TMEM260: variants seen among roughly 807,000 people sequenced by gnomAD.
TMEM260 encodes the protein transmembrane protein 260, also known as protein O-mannosyl-transferase TMEM260.
TMEM260 carries 82 observed loss-of-function variants against 88.9 expected under a neutral mutation model. That is an observed-to-expected ratio of 0.92 (90% CI 0.77 to 1.11). TMEM260 has a LOEUF of 1.11. Ranked by LOEUF, TMEM260 falls within the 50% of genes least tolerant of loss-of-function variation. The probability of loss-of-function intolerance (pLI) is 0.00; values close to 1 mark genes in which losing one functional copy is unlikely to be tolerated. For synonymous variants in TMEM260, 314 were observed against 309.3 expected (o/e 1.02, Z -0.16); for missense variants, 902 against 853.4 (o/e 1.06, Z -0.71).
Position 56,618,585 on chromosome 14 carries a change from C to G in TMEM260, c.1057-9C>G, listed in dbSNP as rs747635397. ...AACTGGACCCACTGGTTGCATGTCTCTTTCACAGGTGGAACGATTCTGGAT... is the reference window on the plus strand; with the variant it reads ...AACTGGACCCACTGGTTGCATGTCTGTTTCACAGGTGGAACGATTCTGGAT... On this transcript the variant is annotated splice_polypyrimidine_tract_variant and intron_variant, in intron 9 of 15. Coordinates refer to ENST00000261556, the MANE Select transcript of TMEM260 (RefSeq NM_017799.4). 22 of 1,612,918 alleles carry G rather than the reference C, an allele frequency of 1.4e-5. No homozygotes were observed. Among genetic ancestry groups the G allele is most frequent in the Non-Finnish European group, 1.9e-5 (22 of 1,179,682 alleles).
intron 1 of TMEM260, among the ~76,000 whole-genome samples, chr14:56,584,649 T>G (rs1192355623): frequency 6.6e-6 from 1 of 152,144 alleles, no homozygotes; most frequent in Non-Finnish European, 1.5e-5. Flanking sequence ...TTATAGACTT[T>G]CGTGCTAATT....
intron 15 of TMEM260, among the ~76,000 whole-genome samples, chr14:56,643,278 G>A (rs1332758665): frequency 5.3e-5 from 8 of 152,118 alleles, no homozygotes; most frequent in Non-Finnish European, 8.8e-5. Context: ...CTGGCAAACC[G>A]AATCCAGCAA....
the TMEM260 span, among the ~76,000 whole-genome samples, chr14:56,662,643 A>C: frequency 6.6e-6 from 1 of 152,228 alleles, no homozygotes; most frequent in Non-Finnish European, 1.5e-5. Flanking sequence ...GACACAGGGA[A>C]ACTATCTCCG....
chr14:56,603,904 T>G lies in TMEM260; in HGVS notation c.434T>G (p.Val145Gly). The G allele has an allele frequency of 6.2e-7, 1 of 1,613,408 alleles. No individual in the cohort carries two copies. The highest frequency in any genetic ancestry group is 1.1e-5 in the South Asian group (1 of 91,002). Residue 145 changes from valine (V) to glycine (G), a missense_variant, in exon 4 of 16, where the codon GTT (valine) becomes GGT (glycine). By Grantham distance (109) the Val-to-Gly change is moderately radical. Transcript: ENST00000261556. Reference sequence around the variant, plus strand: ...TGGCAGTGGTCCATTGCAGCAGAGGTTTTTAGCTTAAACAATCTCTTTGTG... The same window carrying G: ...TGGCAGTGGTCCATTGCAGCAGAGGGTTTTAGCTTAAACAATCTCTTTGTG... ...LTWQWSIAAE[V>G]FSLNNLFVGL...
At chr14:56,659,573 G>T in the TMEM260 span, among the ~76,000 whole-genome samples, 1 of 152,164 alleles carries the variant, frequency 6.6e-6, no homozygotes, top group Admixed American at 6.5e-5. Flanking sequence ...TCAGCACCTT[G>T]GGAGGCTCCG....
intron 3 of TMEM260, among the ~76,000 whole-genome samples, chr14:56,592,613 A>G (rs1200632498): frequency 2.6e-5 from 4 of 152,174 alleles, no homozygotes; most frequent in African/African-American, 4.8e-5. Context: ...TATCATTTTC[A>G]TGACTAGGAC....
chr14:56,636,187 A>C (rs953590919), intron 14 of TMEM260, among the ~76,000 whole-genome samples: 1 of 152,190 alleles, frequency 6.6e-6, no homozygotes, highest in Non-Finnish European at 1.5e-5. Flanking sequence ...ATGTGTTGGC[A>C]GACTCAGCAG....
intron 15 of TMEM260, among the ~76,000 whole-genome samples, chr14:56,637,774 C>G (rs1456743111): frequency 6.6e-6 from 1 of 152,170 alleles, no homozygotes; most frequent in Admixed American, 6.6e-5. Flanking sequence ...CTTATGTATT[C>G]ACTTATTCAT....
At chr14:56,625,640 C>A in intron 12 of TMEM260, 110 bp downstream of exon 12, 1 of 743,506 alleles carries the variant, frequency 1.3e-6, no homozygotes, top group East Asian at 2.8e-5. Flanking sequence ...GCCTATTTCC[C>A]TGTCACTGGT....
chr14:56,623,086 G>T (rs1888032930), intron 11 of TMEM260, among the ~76,000 whole-genome samples: 1 of 152,164 alleles, frequency 6.6e-6, no homozygotes, highest in Admixed American at 6.6e-5. Flanking sequence ...GTGACATGGG[G>T]CTAATGATTT....
intron 13 of TMEM260, among the ~76,000 whole-genome samples, chr14:56,634,411 T>C (rs1251554137): frequency 1.3e-5 from 2 of 152,200 alleles, no homozygotes; most frequent in Non-Finnish European, 2.9e-5. Flanking sequence ...TAAGAAGATA[T>C]TTACCAAAAC....
downstream of TMEM260, chr14:56,650,748 G>A (rs1890190913): frequency 7.5e-6 from 1 of 134,054 alleles, no homozygotes. Flanking sequence ...AGGATATGAA[G>A]AGTAGTTTTT....
intron 15 of TMEM260, among the ~76,000 whole-genome samples, chr14:56,638,027 T>TA (rs1405653329): frequency 6.7e-6 from 1 of 149,190 alleles, no homozygotes; most frequent in Admixed American, 6.7e-5. Context: ...AGGGAAGGCT[T>TA]CCAGAGAGGA....
intron 2 of TMEM260, 144 bp from the exon 3 acceptor site, chr14:56,585,617 A>G (rs1885443849): frequency 4.0e-6 from 3 of 746,818 alleles, no homozygotes. Flanking sequence ...AGAGGATTAC[A>G]ATAGAAAACC....
At chr14:56,580,191 A>C (rs1426732233) in intron 1 of TMEM260, 117 bp downstream of exon 1, 2 of 803,044 alleles carry the variant, frequency 2.5e-6, no homozygotes, top group East Asian at 3.4e-5. Context: ...GCCTCCATCC[A>C]CCCCCCTGTG....
downstream of TMEM260, chr14:56,650,032 A>C (rs1432523587): frequency 2.2e-6 from 1 of 446,084 alleles, no homozygotes; most frequent in Non-Finnish European, 4.5e-6. Flanking sequence ...GAGGTTAAAC[A>C]AGTTGCTTTC....
chr14:56,622,339 T>A (rs1887980549), intron 11 of TMEM260, among the ~76,000 whole-genome samples: 1 of 76,708 alleles, frequency 1.3e-5, no homozygotes. Context: ...CGAGACTCCG[T>A]CTCAAAAAAA....
At chr14:56,642,576 C>A (rs1889678152) in intron 15 of TMEM260, among the ~76,000 whole-genome samples, 2 of 152,082 alleles carry the variant, frequency 1.3e-5, no homozygotes, top group Non-Finnish European at 2.9e-5. Context: ...AAAATTGACA[C>A]CCTAACATCA....
chr14:56,596,928 G>T (rs560819149), intron 3 of TMEM260, among the ~76,000 whole-genome samples: 1 of 151,592 alleles, frequency 6.6e-6, no homozygotes, highest in Non-Finnish European at 1.5e-5. Flanking sequence ...TTTCTTCATA[G>T]TGTTTTGATT....
Sources: allele counts gnomAD v4.1 joint callset (sites outside exome capture counted in the v4.1 genomes callset), GRCh38; gene constraint gnomAD v4.1.1; transcripts MANE v1.5; gene names NCBI Gene and HGNC (gene_info 2026-07-23, HGNC 2026-07-21).